Variants in SDK1 observed in about 807,000 individuals in gnomAD.
The protein encoded by SDK1 is sidekick cell adhesion molecule 1, also known as protein sidekick-1.
In SDK1, 157 loss-of-function variants were observed where a neutral mutation model predicts 245.5. That is an observed-to-expected ratio of 0.64 (90% CI 0.56 to 0.73). The LOEUF (loss-of-function observed/expected upper bound fraction) is 0.73. Among genes scored for constraint, SDK1 ranks in the 30% least tolerant of loss-of-function variants. The pLI is 0.00. For synonymous variants in SDK1, 1,647 were observed against 1,278.5 expected (o/e 1.29, Z -6.15); for missense variants, 3,583 against 3,002.3 (o/e 1.19, Z -4.52).
At chr7:3,435,981 G>A (rs1052441164) in intron 1 of SDK1, among the ~76,000 whole-genome samples, 2 of 152,172 alleles carry the variant, frequency 1.3e-5, no homozygotes, top group African/African-American at 4.8e-5. Flanking sequence ...CATTAACTTT[G>A]GAGAGGTTTA....
At position 4,030,785 on chromosome 7, in the gene SDK1, A is replaced by G. The variant is rs74634547; in HGVS notation, c.2602+13433A>G. On this transcript the variant is annotated intron_variant, in intron 17 of 44. Coordinates refer to ENST00000404826, the MANE Select transcript of SDK1 (RefSeq NM_152744.4). The stretch of plus-strand genomic sequence containing the variant: ...CCTTCCCGCTGTGTTTCATCTGGCA[A>G]TTATCACTTATATTTAAAGCTTTGG... 5.4e-3 allele frequency among the ~76,000 whole-genome samples: 820 copies of G among 152,246 alleles called. 6 individuals are homozygous for G. The highest frequency in any genetic ancestry group is 0.04 in the South Asian group (191 of 4,822).
chr7:4,193,957 AT>A (rs1562414951), intron 35 of SDK1, among the ~76,000 whole-genome samples: 1 of 152,198 alleles, frequency 6.6e-6, no homozygotes, highest in Non-Finnish European at 1.5e-5. Context: ...GGAGCGTCAA[AT>A]GCATTTATTT....
At chr7:4,214,616 C>G (rs1784685384) in intron 38 of SDK1, among the ~76,000 whole-genome samples, 1 of 152,160 alleles carries the variant, frequency 6.6e-6, no homozygotes, top group African/African-American at 2.4e-5. Context: ...ATCAGGCCTC[C>G]CCGGGTGTCA....
rs916409595 is a variant in SDK1, at chr7:3,519,700, G to A, written c.299-99380G>A. Among the ~76,000 whole-genome samples the A allele has an allele frequency of 3.3e-5, 5 of 152,222 alleles. No individual in the cohort carries two copies. The South Asian group carries it at 1.0e-3, about 32-fold the overall frequency. On this transcript the variant is annotated intron_variant, in intron 1 of 44. Coordinates refer to ENST00000404826, the MANE Select transcript of SDK1 (RefSeq NM_152744.4). ...CAGAGATACGCATAAAAAATATGTA[G>A]AGGATTAGTAATTTTAAATCCATTT...
At chr7:4,184,219 C>T (rs908770365) in intron 35 of SDK1, among the ~76,000 whole-genome samples, 2 of 152,216 alleles carry the variant, frequency 1.3e-5, no homozygotes, top group East Asian at 1.9e-4. Context: ...ACCACAAACT[C>T]GTGGGCCCGA....
At chr7:3,312,898 C>A (rs1779584100) in intron 1 of SDK1, among the ~76,000 whole-genome samples, 1 of 152,068 alleles carries the variant, frequency 6.6e-6, no homozygotes, top group Non-Finnish European at 1.5e-5. Context: ...CGTAGTAAAC[C>A]CCACACAGGA....
intron 1 of SDK1, among the ~76,000 whole-genome samples, chr7:3,455,648 C>T (rs1780643911): frequency 6.6e-6 from 1 of 151,980 alleles, no homozygotes; most frequent in Admixed American, 6.6e-5. Context: ...TGTGACTCTT[C>T]CTCCACCGAT....
At chr7:3,304,195 A>G (rs572407763) in intron 1 of SDK1, among the ~76,000 whole-genome samples, 25 of 152,246 alleles carry the variant, frequency 1.6e-4, no homozygotes, top group African/African-American at 5.8e-4. Flanking sequence ...TCTTCTTTCT[A>G]TGCGGTGATG....
chr7:4,243,430 G>A (rs1417357882), intron 43 of SDK1, among the ~76,000 whole-genome samples: 1 of 152,184 alleles, frequency 6.6e-6, no homozygotes, highest in Non-Finnish European at 1.5e-5. Flanking sequence ...CTGTCCTCAC[G>A]CTGCTAATAA....
At chr7:3,688,199 C>G (rs955730454) in intron 4 of SDK1, among the ~76,000 whole-genome samples, 1 of 152,146 alleles carries the variant, frequency 6.6e-6, no homozygotes, top group Non-Finnish European at 1.5e-5. Flanking sequence ...ACAACTGAGG[C>G]TTTTAAAGTG....
intron 4 of SDK1, among the ~76,000 whole-genome samples, chr7:3,770,027 C>G (rs1215688271): frequency 6.6e-6 from 1 of 151,644 alleles, no homozygotes; most frequent in African/African-American, 2.4e-5. Context: ...ACTACAGTCT[C>G]CATTCATGGA....
intron 4 of SDK1, among the ~76,000 whole-genome samples, chr7:3,707,448 C>T (rs781097007): frequency 4.6e-5 from 7 of 152,250 alleles, no homozygotes; most frequent in East Asian, 1.9e-4. Context: ...AAACATTTAT[C>T]GAGACTTGTT....
chr7:4,227,463 T>A (rs1257091926), intron 40 of SDK1: 2 of 469,950 alleles, frequency 4.3e-6, no homozygotes, highest in South Asian at 1.6e-5. Context: ...TTTAGCCTCA[T>A]GTTTAAGCGC....
At chr7:3,571,227 C>A (rs535857209) in intron 1 of SDK1, among the ~76,000 whole-genome samples, 1 of 152,102 alleles carries the variant, frequency 6.6e-6, no homozygotes, top group African/African-American at 2.4e-5. Flanking sequence ...TTGATATTAC[C>A]AATCTATAAA....
At chr7:3,373,395 A>T (rs1781275144) in intron 1 of SDK1, among the ~76,000 whole-genome samples, 1 of 152,250 alleles carries the variant, frequency 6.6e-6, no homozygotes, top group South Asian at 2.1e-4. Context: ...ATTATGAACA[A>T]GTCAATGACA....
At chr7:3,611,668 T>C (rs540599093) in intron 1 of SDK1, among the ~76,000 whole-genome samples, 4 of 152,166 alleles carry the variant, frequency 2.6e-5, no homozygotes, top group Non-Finnish European at 5.9e-5. Flanking sequence ...CTAGCAGCAG[T>C]GTAAAAGTGT....
chr7:3,446,346 A>C (rs1179610276), intron 1 of SDK1, among the ~76,000 whole-genome samples: 2 of 152,174 alleles, frequency 1.3e-5, no homozygotes, highest in East Asian at 3.8e-4. Context: ...GTTTGAGTTA[A>C]GGTATGAACC....
chr7:3,607,945 T>G (rs1384136117), intron 1 of SDK1, among the ~76,000 whole-genome samples: 1 of 152,250 alleles, frequency 6.6e-6, no homozygotes, highest in Non-Finnish European at 1.5e-5. Flanking sequence ...TGAGCCCCTT[T>G]GCAGGGGGCG....
chr7:4,088,367 C>A (rs778296744), intron 22 of SDK1, among the ~76,000 whole-genome samples: 2 of 152,112 alleles, frequency 1.3e-5, no homozygotes, highest in Non-Finnish European at 2.9e-5. Context: ...AGGGCTAAAG[C>A]GTCTTCTATC....
Sources: allele counts gnomAD v4.1 joint callset (sites outside exome capture counted in the v4.1 genomes callset), GRCh38; gene constraint gnomAD v4.1.1; transcripts MANE v1.5; gene names NCBI Gene and HGNC (gene_info 2026-07-23, HGNC 2026-07-21).